The following SORBS2 variants were observed in gnomAD, a reference collection of about 807,000 sequenced individuals.
SORBS2 encodes sorbin and SH3 domain containing 2, also known as sorbin and SH3 domain-containing protein 2.
A neutral mutation model predicts 97.7 loss-of-function variants in SORBS2; 46 were observed. That is an observed-to-expected ratio of 0.47 (90% CI 0.37 to 0.60). SORBS2 has a LOEUF of 0.60. Among genes scored for constraint, SORBS2 ranks in the 20% least tolerant of loss-of-function variants. The pLI, the probability that SORBS2 is intolerant of heterozygous loss-of-function variation, is 0.00. For missense variants in SORBS2, 1,316 were observed against 1,282.3 expected, an observed-to-expected ratio of 1.03 and a Z score of -0.40; for synonymous variants, 476 against 473.4, an observed-to-expected ratio of 1.01 and a Z score of -0.07.
intron 2 of SORBS2, among the ~76,000 whole-genome samples, chr4:185,760,013 T>G (rs1455142712): frequency 6.6e-6 from 1 of 152,162 alleles, no homozygotes; most frequent in East Asian, 1.9e-4. Context: ...CCACGTTGGC[T>G]CCTTGAAATG....
intron 1 of SORBS2, among the ~76,000 whole-genome samples, chr4:185,828,430 G>C (rs1452595079): frequency 6.6e-6 from 1 of 152,008 alleles, no homozygotes; most frequent in Non-Finnish European, 1.5e-5. Flanking sequence ...TTCTGAAAGG[G>C]AGAGATGAGG....
intron 2 of SORBS2, among the ~76,000 whole-genome samples, chr4:185,743,715 T>C (rs1037957164): frequency 1.3e-5 from 2 of 152,070 alleles, no homozygotes; most frequent in East Asian, 3.9e-4. Flanking sequence ...GAGCCCCTCC[T>C]CCTCCTGATT....
chr4:185,659,404 T>A (rs185329259), upstream of SORBS2, among the ~76,000 whole-genome samples: 144 of 152,076 alleles, frequency 9.5e-4, no homozygotes, highest in Admixed American at 1.8e-3. Flanking sequence ...ACATTCAAGC[T>A]AGTCCTTATT....
At chr4:185,666,016 G>A in intron 4 of SORBS2, 1 of 1,289,206 alleles carries the variant, frequency 7.8e-7, no homozygotes, top group South Asian at 1.2e-5. Context: ...ATGCAGGCGT[G>A]AAGACCCCAC....
chr4:185,799,913 T>C (rs1303064995), intron 1 of SORBS2, among the ~76,000 whole-genome samples: 1 of 152,152 alleles, frequency 6.6e-6, no homozygotes, highest in African/African-American at 2.4e-5. Flanking sequence ...CCAAAGTCCA[T>C]GTTTCTAGGT....
At chr4:185,812,434 T>G (rs913558854) in intron 1 of SORBS2, among the ~76,000 whole-genome samples, 1 of 152,234 alleles carries the variant, frequency 6.6e-6, no homozygotes, top group African/African-American at 2.4e-5. Context: ...GTGCAAGTGC[T>G]CCGATTTTTC....
intron 1 of SORBS2, among the ~76,000 whole-genome samples, chr4:185,921,679 A>C (rs2099260989): frequency 6.6e-6 from 1 of 152,240 alleles, no homozygotes; most frequent in Non-Finnish European, 1.5e-5. Flanking sequence ...CTCAGTTCAC[A>C]AAGCAATGGA....
intron 2 of SORBS2, among the ~76,000 whole-genome samples, chr4:185,770,697 A>T (rs1171282293): frequency 9.9e-6 from 1 of 100,908 alleles, no homozygotes; most frequent in Non-Finnish European, 2.3e-5. Context: ...CACTGATTTA[A>T]AAAAAAAATA....
At chr4:185,829,607 G>A (rs2099204050) in intron 1 of SORBS2, among the ~76,000 whole-genome samples, 1 of 152,104 alleles carries the variant, frequency 6.6e-6, no homozygotes, top group Admixed American at 6.5e-5. Flanking sequence ...TGACATTAAA[G>A]GAATAAATGA....
chr4:185,607,279 T>C lies in SORBS2; in HGVS notation c.2796+4501A>G, dbSNP rs13144963. 0.6 allele frequency: 762,576 copies of C among 1,277,148 alleles called. 230,841 individuals are homozygous for C. Among genetic ancestry groups the C allele is most frequent in the African/African-American group, 0.82 (52,966 of 64,726 alleles). 79.1% of individuals were successfully genotyped at this position (1,277,148 alleles called of 1,614,324 possible). A position where few individuals can be genotyped will look rare whatever the true frequency, so the allele number is the denominator to read the frequency against. On this transcript the variant is annotated intron_variant, in intron 12 of 14. Transcript: ENST00000418609. This position sits in a 1 kb window ranked among gnomAD's most constrained non-coding sequence, Gnocchi z 5.2. ...GGACAACCAGCCCTGGCCAGTTCCC[T>C]GGAGAGCTCCTTTATCTGAGCCAGG...
At chr4:185,596,771 G>T (rs760058615) in intron 12 of SORBS2, among the ~76,000 whole-genome samples, 7 of 152,038 alleles carry the variant, frequency 4.6e-5, no homozygotes, top group Non-Finnish European at 8.8e-5. Context: ...CTGACCTTGT[G>T]ATCTTCCCGC....
intron 1 of SORBS2, among the ~76,000 whole-genome samples, chr4:185,853,788 C>T (rs1045048595): frequency 6.6e-6 from 1 of 152,022 alleles, no homozygotes; most frequent in Non-Finnish European, 1.5e-5. Flanking sequence ...TGTCTAAGAA[C>T]CTGGAATGAG....
intron 1 of SORBS2, among the ~76,000 whole-genome samples, chr4:185,827,303 C>T (rs796710254): frequency 1.0e-3 from 25 of 24,976 alleles, no homozygotes; most frequent in South Asian, 1.5e-3. Context: ...ATCATCATCA[C>T]CATCATCACC....
intron 2 of SORBS2, among the ~76,000 whole-genome samples, chr4:185,736,379 C>G (rs1217780905): frequency 6.6e-6 from 1 of 152,206 alleles, no homozygotes; most frequent in Non-Finnish European, 1.5e-5. Flanking sequence ...CTTGCCTGGT[C>G]TGTGAGTGCC....
chr4:185,674,315 C>G (rs1211590415), intron 4 of SORBS2, among the ~76,000 whole-genome samples: 1 of 152,172 alleles, frequency 6.6e-6, no homozygotes, highest in Non-Finnish European at 1.5e-5. Context: ...CTTTTCTCTT[C>G]CTCACATCCC....
rs188162322 is a variant in SORBS2 at position 185,797,063 on chromosome 4, C to A, written c.-337-21697G>T. Among the ~76,000 whole-genome samples the A allele has an allele frequency of 2.5e-3, 375 of 152,332 alleles. 3 individuals are homozygous for A. The highest frequency in any genetic ancestry group is 4.2e-3 in the Non-Finnish European group (286 of 68,018). ...CACCTCACGCACTTCTTCAGAGAAA[C>A]CTCAGAGGCTCCTCCACAAGCCACG... On this transcript the variant is annotated intron_variant, in intron 1 of 20. Transcript: ENST00000284776.
rs555041079 is a variant in SORBS2 at position 185,808,940 on chromosome 4, T to C, written c.-337-33574A>G. On this transcript the variant is annotated intron_variant, in intron 1 of 20. Transcript: ENST00000284776. ...ATAGTATTATTTATATACTAAAACA[T>C]TCAAGTTGTTTTGTTTAAAACATAC... Among the ~76,000 whole-genome samples the C allele has an allele frequency of 7.9e-5, 12 of 152,340 alleles. No individual in the cohort carries two copies. The South Asian group carries it at 2.5e-3, about 32-fold the overall frequency.
chr4:185,780,014 T>C (rs1242683840), intron 1 of SORBS2, among the ~76,000 whole-genome samples: 1 of 146,642 alleles, frequency 6.8e-6, no homozygotes, highest in Non-Finnish European at 1.5e-5. Context: ...AACATTTTTT[T>C]TTTTTTTTTT....
Position 185,589,797 on chromosome 4 carries a change from C to T in SORBS2, c.2847-12G>A. The T allele has an allele frequency of 3.5e-6, 5 of 1,436,618 alleles. No individual in the cohort carries two copies. Among genetic ancestry groups the T allele is most frequent in the Non-Finnish European group, 4.9e-6 (5 of 1,018,922 alleles). 89.0% of individuals were successfully genotyped at this position (1,436,618 alleles called of 1,614,324 possible). On this transcript the variant is annotated splice_polypyrimidine_tract_variant and intron_variant, in intron 13 of 14. Coordinates refer to ENST00000418609, the Ensembl canonical transcript of SORBS2. ...ACAGAGCCTGAAACCTTAAACAGGA[C>T]AAGGGAATGTGTTTAAAAACATCTT... is the stretch of plus-strand genomic sequence containing the variant.
Sources: gnomAD v4.1 joint callset for allele counts (sites outside exome capture counted in the v4.1 genomes callset) on GRCh38, gnomAD v4.1.1 for gene constraint, Gnocchi (gnomAD v3.1) non-coding constraint, MANE v1.5 for transcripts, NCBI Gene and HGNC (gene_info 2026-07-23, HGNC 2026-07-21) for gene names.